The following ATP9B variants were observed in gnomAD, a reference collection of about 807,000 sequenced individuals.
The protein encoded by ATP9B is probable phospholipid-transporting ATPase IIB.
A neutral mutation model predicts 146.1 loss-of-function variants in ATP9B; 110 were observed. The ratio of observed to expected loss-of-function variants is 0.75; its 90% CI spans 0.65 to 0.88. The LOEUF (loss-of-function observed/expected upper bound fraction) is 0.88. Ranked by LOEUF, ATP9B falls within the 40% of genes least tolerant of loss-of-function variation. The pLI is 0.00. For synonymous variants in ATP9B, 604 were observed against 569.7 expected (o/e 1.06, Z -0.86); for missense variants, 1,499 against 1,496.4 (o/e 1.00, Z -0.03).
At chr18:79,171,070 G>A (rs141292961) in intron 7 of ATP9B, among the ~76,000 whole-genome samples, 30 of 152,214 alleles carry the variant, frequency 2.0e-4, no homozygotes, top group Non-Finnish European at 3.7e-4. Flanking sequence ...TCTAATTGAT[G>A]CCACCTTCCC....
At chr18:79,111,364 C>T (rs2075993417) in intron 3 of ATP9B, among the ~76,000 whole-genome samples, 1 of 152,022 alleles carries the variant, frequency 6.6e-6, no homozygotes, top group Admixed American at 6.6e-5. Flanking sequence ...ATCATGCTGA[C>T]ATTGTATTTG....
At chr18:79,071,884 G>GTTTTTTTTTTT (rs375351848) in intron 1 of ATP9B, among the ~76,000 whole-genome samples, 2 of 79,864 alleles carry the variant, frequency 2.5e-5, no homozygotes, top group East Asian at 4.4e-4. Flanking sequence ...TTCATGTTTG[G>GTTTTTTTTTTT]TTTTGTTTTT....
intron 2 of ATP9B, among the ~76,000 whole-genome samples, chr18:79,100,489 T>G (rs2075185103): frequency 6.6e-6 from 1 of 152,224 alleles, no homozygotes; most frequent in Non-Finnish European, 1.5e-5. Context: ...CTCTTTTATC[T>G]TTAAATATAC....
intron 17 of ATP9B, among the ~76,000 whole-genome samples, chr18:79,333,457 T>C (rs1211970649): frequency 6.6e-6 from 1 of 152,252 alleles, no homozygotes; most frequent in Non-Finnish European, 1.5e-5. Flanking sequence ...CGTAAACAAG[T>C]GTAGCTAATT....
At chr18:79,185,169 C>T (rs2095295265) in intron 8 of ATP9B, among the ~76,000 whole-genome samples, 2 of 151,990 alleles carry the variant, frequency 1.3e-5, no homozygotes, top group Non-Finnish European at 2.9e-5. Flanking sequence ...TGGTGGTGGT[C>T]ACAGGCATAC....
chr18:79,336,850 A>ACCCCATGCTCC, intron 18 of ATP9B, 139 bp downstream of exon 18: 1 of 822,214 alleles, frequency 1.2e-6, no homozygotes, highest in African/African-American at 1.7e-5. Context: ...CAGCAGGAGC[A>ACCCCATGCTCC]TGGGGTGATC....
In ATP9B at chr18:79,173,633, T is replaced by C. The variant is rs1225675444; in HGVS notation, c.779-3180T>C. ...GCATCAAAAGTAGTTGCCATACTTG[T>C]ATGTTGGGGGGACTCTCTCTGGGTT... On this transcript the variant is annotated intron_variant, in intron 7 of 29. Transcript: ENST00000426216. 1.8e-5 allele frequency: 8 copies of C among 446,558 alleles called. No homozygotes were observed. The East Asian group carries it at 5.6e-4, about 31-fold the overall frequency. 27.7% of individuals were successfully genotyped at this position (446,558 alleles called of 1,614,324 possible). A position where few individuals can be genotyped will look rare whatever the true frequency, so the allele number is the denominator to read the frequency against.
At chr18:79,111,901 C>T (rs907611684) in intron 3 of ATP9B, among the ~76,000 whole-genome samples, 2 of 152,058 alleles carry the variant, frequency 1.3e-5, no homozygotes, top group South Asian at 4.1e-4. Flanking sequence ...AGTAGGAGTT[C>T]TATGTCATTT....
intron 23 of ATP9B, 122 bp downstream of exon 23, chr18:79,345,961 GC>G (rs2147495916): frequency 9.2e-7 from 1 of 1,089,644 alleles, no homozygotes; most frequent in African/African-American, 1.5e-5. Context: ...CATGTGCTTA[GC>G]GTACGCTCGG....
chr18:79,163,905 CAG>C (rs1491255332), intron 7 of ATP9B, among the ~76,000 whole-genome samples: 3 of 149,896 alleles, frequency 2.0e-5, no homozygotes, highest in East Asian at 3.9e-4. Flanking sequence ...CACACACACA[CAG>C]GGGGAGACAG....
chr18:79,203,279 G>A (rs1230117634), intron 9 of ATP9B, among the ~76,000 whole-genome samples: 1 of 151,898 alleles, frequency 6.6e-6, no homozygotes, highest in East Asian at 1.9e-4. Context: ...AGTAACAGCA[G>A]GCAGGAGGCC....
chr18:79,366,601 T>C (rs1166689455), intron 26 of ATP9B, among the ~76,000 whole-genome samples: 1 of 152,110 alleles, frequency 6.6e-6, no homozygotes, highest in Non-Finnish European at 1.5e-5. Flanking sequence ...TTCTGTGAGA[T>C]AAATAAATAG....
intron 9 of ATP9B, among the ~76,000 whole-genome samples, chr18:79,199,869 G>A (rs1413669135): frequency 6.6e-6 from 1 of 152,026 alleles, no homozygotes; most frequent in Non-Finnish European, 1.5e-5. Context: ...TGTCCTGCTG[G>A]AAGATCTCCA....
chr18:79,288,031 T>A (rs1263339775), intron 13 of ATP9B, among the ~76,000 whole-genome samples: 1 of 150,700 alleles, frequency 6.6e-6, no homozygotes, highest in Non-Finnish European at 1.5e-5. Context: ...AGAGCTTTAC[T>A]TCCAACTATG....
intron 17 of ATP9B, among the ~76,000 whole-genome samples, chr18:79,330,866 T>A (rs2096786596): frequency 6.6e-6 from 1 of 152,238 alleles, no homozygotes; most frequent in African/African-American, 2.4e-5. Context: ...ATACTTTATA[T>A]GTAATCAAAG....
At chr18:79,191,866 T>C (rs1030732899) in intron 8 of ATP9B, among the ~76,000 whole-genome samples, 5 of 152,242 alleles carry the variant, frequency 3.3e-5, no homozygotes, top group African/African-American at 7.2e-5. Context: ...TTTAGAAATT[T>C]GGATCATCTC....
chr18:79,293,204 A>T (rs758445685), intron 13 of ATP9B, among the ~76,000 whole-genome samples: 17 of 151,650 alleles, frequency 1.1e-4, no homozygotes, highest in Non-Finnish European at 2.2e-4. Flanking sequence ...CTCAAAATGG[A>T]TCATAGACCT....
intron 12 of ATP9B, among the ~76,000 whole-genome samples, chr18:79,261,208 G>A (rs189370240): frequency 1.2e-3 from 178 of 152,280 alleles, no homozygotes; most frequent in East Asian, 7.5e-3. Flanking sequence ...TTTGGGACCA[G>A]TGTAAATTTG....
At chr18:79,200,194 C>T (rs773333959) in intron 9 of ATP9B, among the ~76,000 whole-genome samples, 1 of 152,162 alleles carries the variant, frequency 6.6e-6, no homozygotes, top group African/African-American at 2.4e-5. Context: ...ATGGCTGCAG[C>T]ATGACCATGT....
Sources: allele counts gnomAD v4.1 joint callset (sites outside exome capture counted in the v4.1 genomes callset), GRCh38; gene constraint gnomAD v4.1.1; transcripts MANE v1.5; gene names NCBI Gene and HGNC (gene_info 2026-07-23, HGNC 2026-07-21).